Variants in RBPJ observed in about 807,000 individuals in gnomAD.
RBPJ encodes the protein recombination signal binding protein for immunoglobulin kappa J region.
In RBPJ, 9 loss-of-function variants were observed where a neutral mutation model predicts 67.8. The observed-to-expected ratio is 0.13, with a 90% CI of 0.08 to 0.23. The LOEUF (loss-of-function observed/expected upper bound fraction) is 0.23. RBPJ is among the 10% of genes least tolerant of loss of function. RBPJ has a pLI of 1.00. For synonymous variants in RBPJ, 198 were observed against 203.3 expected (o/e 0.97, Z 0.22); for missense variants, 305 against 595.6 (o/e 0.51, Z 5.08).
At chr4:26,166,079 G>T in intron 1 of RBPJ, among the ~76,000 whole-genome samples, 1 of 148,162 alleles carries the variant, frequency 6.7e-6, no homozygotes, top group African/African-American at 2.5e-5. Flanking sequence ...AGTATTCCAT[G>T]GTGTATATGT....
At chr4:26,337,762 C>G (rs1027872531) in intron 1 of RBPJ, among the ~76,000 whole-genome samples, 13 of 147,184 alleles carry the variant, frequency 8.8e-5, no homozygotes, top group African/African-American at 2.3e-4. Context: ...TCATAGCTCA[C>G]TGCAGCCTCA....
At chr4:26,269,731 C>T (rs550571000) in intron 1 of RBPJ, among the ~76,000 whole-genome samples, 99 of 151,950 alleles carry the variant, frequency 6.5e-4, no homozygotes, top group African/African-American at 2.3e-3. Context: ...TGAACTAAAA[C>T]TAAGGAAAAG....
the RBPJ span, among the ~76,000 whole-genome samples, chr4:26,108,886 A>G: frequency 6.6e-6 from 1 of 152,076 alleles, no homozygotes. Context: ...CTTACCCACA[A>G]AGTAGGGGTG....
intron 1 of RBPJ, among the ~76,000 whole-genome samples, chr4:26,250,878 A>G (rs1338881507): frequency 6.6e-6 from 1 of 152,168 alleles, no homozygotes; most frequent in Admixed American, 6.6e-5. Context: ...CTTTCAGCCA[A>G]TTGCTTTGTA....
chr4:26,206,058 T>C (rs1054407362), intron 1 of RBPJ, among the ~76,000 whole-genome samples: 2 of 152,142 alleles, frequency 1.3e-5, no homozygotes, highest in African/African-American at 2.4e-5. Flanking sequence ...CTAAAATAAG[T>C]GGATAATATG....
the RBPJ span, among the ~76,000 whole-genome samples, chr4:26,135,576 C>T: frequency 1.3e-5 from 2 of 151,940 alleles, no homozygotes; most frequent in African/African-American, 4.8e-5. Context: ...AGTGGCTTGA[C>T]CTTAGGCCTG....
chr4:26,191,245 AGAGAGAGAGAGG>A (rs1717531209), intron 1 of RBPJ, among the ~76,000 whole-genome samples: 1 of 129,092 alleles, frequency 7.7e-6, no homozygotes, highest in African/African-American at 3.0e-5. Context: ...AGAGAGATAG[AGAGAGAGAGAGG>A]GAGAGAGGGA....
chr4:26,409,939 A>G (rs547115821), intron 3 of RBPJ: 3 of 387,248 alleles, frequency 7.7e-6, no homozygotes, highest in Admixed American at 3.4e-5. Context: ...CTACTTTCCT[A>G]TATTTTTACT....
chr4:26,312,289 G>T (rs527280144), intron 1 of RBPJ, among the ~76,000 whole-genome samples: 1 of 152,012 alleles, frequency 6.6e-6, no homozygotes, highest in Non-Finnish European at 1.5e-5. Flanking sequence ...CCGCCACCAC[G>T]CCTGGCTAAT....
chr4:26,284,816 G>A lies in RBPJ; in HGVS notation c.-166-77630G>A, dbSNP rs147106828. Among the ~76,000 whole-genome samples, 150 of 151,724 alleles carry A rather than the reference G, an allele frequency of 9.9e-4. 2 individuals are homozygous for A. Among genetic ancestry groups the A allele is most frequent in the African/African-American group, 3.3e-3 (138 of 41,354 alleles). On this transcript the variant is annotated intron_variant, in intron 1 of 4. Coordinates refer to the RBPJ transcript ENST00000512351. ...TTGAGATTAAAAACAACAACAACCA[G>A]TCTGTTGTGTGTCCTCCATCCCCAG... is the stretch of plus-strand genomic sequence containing the variant.
intron 2 of RBPJ, among the ~76,000 whole-genome samples, chr4:26,397,633 T>TTTG (rs950810863): frequency 3.3e-5 from 5 of 152,116 alleles, no homozygotes; most frequent in Non-Finnish European, 5.9e-5. Flanking sequence ...TAACTCTTTT[T>TTTG]TTGTTGTTGT....
chr4:26,344,998 T>C (rs1725986364), intron 1 of RBPJ, among the ~76,000 whole-genome samples: 1 of 152,254 alleles, frequency 6.6e-6, no homozygotes, highest in Non-Finnish European at 1.5e-5. Context: ...AAAAATTTTG[T>C]TAAATTTAGT....
chr4:26,228,610 A>G (rs1719161444), intron 1 of RBPJ, among the ~76,000 whole-genome samples: 1 of 152,230 alleles, frequency 6.6e-6, no homozygotes, highest in African/African-American at 2.4e-5. Context: ...AAAACAAGAT[A>G]GGAAAAACAC....
At chr4:26,306,232 C>A (rs1467955383) in intron 1 of RBPJ, among the ~76,000 whole-genome samples, 1 of 151,632 alleles carries the variant, frequency 6.6e-6, no homozygotes, top group Non-Finnish European at 1.5e-5. Context: ...ACCTTCAATA[C>A]CATGTTGAAT....
At chr4:26,144,809 G>A in the RBPJ span, among the ~76,000 whole-genome samples, 1 of 152,150 alleles carries the variant, frequency 6.6e-6, no homozygotes, top group Admixed American at 6.5e-5. Flanking sequence ...ACAGACTGGG[G>A]AAGCCTGACT....
intron 1 of RBPJ, among the ~76,000 whole-genome samples, chr4:26,186,387 G>C (rs1391631714): frequency 6.6e-6 from 1 of 152,088 alleles, no homozygotes; most frequent in East Asian, 1.9e-4. Flanking sequence ...TAAGGCAATT[G>C]GAACAGTGCC....
chr4:26,215,251 G>GGAA (rs1248268400), intron 1 of RBPJ, among the ~76,000 whole-genome samples: 1 of 76,580 alleles, frequency 1.3e-5, no homozygotes, highest in Non-Finnish European at 2.4e-5. Flanking sequence ...AAGAAAGTAA[G>GGAA]AAAGAAAGGA....
At chr4:26,299,381 T>C (rs1305857301) in intron 1 of RBPJ, among the ~76,000 whole-genome samples, 1 of 152,072 alleles carries the variant, frequency 6.6e-6, no homozygotes, top group Non-Finnish European at 1.5e-5. Flanking sequence ...TAGCCACTGA[T>C]ATGGTAGCTA....
intron 1 of RBPJ, among the ~76,000 whole-genome samples, chr4:26,303,960 A>G (rs1722156979): frequency 6.6e-6 from 1 of 152,218 alleles, no homozygotes; most frequent in Non-Finnish European, 1.5e-5. Context: ...TTGTGCAGCC[A>G]CCAACACAAT....
Sources: allele counts gnomAD v4.1 joint callset (sites outside exome capture counted in the v4.1 genomes callset), GRCh38; gene constraint gnomAD v4.1.1; transcripts MANE v1.5; gene names NCBI Gene and HGNC (gene_info 2026-07-23, HGNC 2026-07-21).